The following PACRG variants were observed in gnomAD, a reference collection of about 807,000 sequenced individuals.
The protein encoded by PACRG is parkin coregulated, also known as parkin coregulated gene protein.
A neutral mutation model predicts 29.7 loss-of-function variants in PACRG; 29 were observed. The observed-to-expected ratio is 0.98, with a 90% CI of 0.73 to 1.33. The LOEUF is 1.33. Ranked by LOEUF, PACRG falls within the 40% of genes most tolerant of loss-of-function variation. PACRG has a pLI of 0.00. For synonymous variants in PACRG, 116 were observed against 118.7 expected, an observed-to-expected ratio of 0.98 and a Z score of 0.15; for missense variants, 279 against 316.2, an observed-to-expected ratio of 0.88 and a Z score of 0.89.
At chr6:163,109,428 G>A (rs111857745) in intron 4 of PACRG, among the ~76,000 whole-genome samples, 53 of 152,214 alleles carry the variant, frequency 3.5e-4, no homozygotes, top group African/African-American at 1.2e-3. Flanking sequence ...GTCTCATCTC[G>A]ATTTGAAAAA....
chr6:162,961,041 ATTGCATACTTACC>A (rs1472386214), intron 2 of PACRG, among the ~76,000 whole-genome samples: 17 of 152,196 alleles, frequency 1.1e-4, no homozygotes, highest in Admixed American at 2.0e-4. Context: ...CCAGATGAGG[ATTGCATACTTACC>A]TTGCTGTTTG....
At chr6:163,027,827 G>C (rs547784676) in intron 2 of PACRG, among the ~76,000 whole-genome samples, 1 of 152,336 alleles carries the variant, frequency 6.6e-6, no homozygotes, top group Admixed American at 6.5e-5. Context: ...AGAATAAGCA[G>C]AGCCTATTTC....
rs1250626245 is a variant in PACRG at position 162,958,866 on chromosome 6, TATATATATATATATATATAGAGAGAGAG to T, written c.292-103282_292-103255del. Among the ~76,000 whole-genome samples the T allele has an allele frequency of 6.0e-3, 430 of 71,300 alleles. 1 individual carries two copies. Among genetic ancestry groups the T allele is most frequent in the East Asian group, 1.0e-2 (23 of 2,306 alleles). The allele number at this position is 71,300 out of a possible 152,430, so 46.8% of individuals were successfully genotyped here. On this transcript the variant is annotated intron_variant, in intron 2 of 4. Transcript: ENST00000366888. ...TATATAGAGCATATATATATATATA[TATATATATATATATATATAGAGAGAGAG>T]AGAGAGAGAGAGAGAGAGAGAGAGA...
intron 1 of PACRG, among the ~76,000 whole-genome samples, chr6:162,812,624 A>G (rs1584432207): frequency 6.6e-6 from 1 of 150,838 alleles, no homozygotes. Flanking sequence ...TTTCCAAAAA[A>G]TGTGATTCAA....
Position 163,249,208 on chromosome 6 carries a change from A to G in PACRG, c.614-65619A>G, listed in dbSNP as rs368487112. Among the ~76,000 whole-genome samples the G allele has an allele frequency of 4.0e-4, 61 of 152,270 alleles. 2 individuals are homozygous for G. The South Asian group carries it at 0.012, about 30-fold the overall frequency. ...ATGCACGCAAAGTCTCTGGGTCAAT[A>G]TTATGTTGCCTGTAGAGTGGAGGTT... On this transcript the variant is annotated intron_variant, in intron 4 of 4. Transcript: ENST00000366888.
intron 4 of PACRG, among the ~76,000 whole-genome samples, chr6:163,255,138 C>T (rs1783057664): frequency 6.6e-6 from 1 of 152,216 alleles, no homozygotes; most frequent in Non-Finnish European, 1.5e-5. Flanking sequence ...AGAATAGCAC[C>T]TCTCCCTAAA....
At chr6:163,240,051 C>T (rs1477542379) in intron 4 of PACRG, among the ~76,000 whole-genome samples, 4 of 149,914 alleles carry the variant, frequency 2.7e-5, no homozygotes, top group African/African-American at 9.8e-5. Flanking sequence ...TCTACAGACA[C>T]ATACACACAC....
At chr6:163,203,432 A>AC in intron 4 of PACRG, among the ~76,000 whole-genome samples, 1 of 152,060 alleles carries the variant, frequency 6.6e-6, no homozygotes, top group African/African-American at 2.4e-5. Flanking sequence ...AAACAAACAA[A>AC]AAAACCCACC....
intron 4 of PACRG, among the ~76,000 whole-genome samples, chr6:163,268,119 G>C (rs747349843): frequency 4.6e-5 from 7 of 152,118 alleles, no homozygotes; most frequent in Admixed American, 2.0e-4. Context: ...TGTTGAAATT[G>C]GCCTGGCGCG....
chr6:162,736,281 C>A (rs967815315), intron 1 of PACRG, among the ~76,000 whole-genome samples: 4 of 152,084 alleles, frequency 2.6e-5, no homozygotes, highest in Non-Finnish European at 2.9e-5. Flanking sequence ...TGTATCTTGG[C>A]AAATTGGATT....
At chr6:163,064,085 C>CT (rs34392826) in intron 3 of PACRG, among the ~76,000 whole-genome samples, 2,461 of 144,974 alleles carry the variant, frequency 0.017, 50 homozygotes, top group African/African-American at 0.057. Flanking sequence ...GACATATATC[C>CT]TTTTTTTTTT....
At chr6:163,034,746 C>G (rs921779883) in intron 2 of PACRG, among the ~76,000 whole-genome samples, 3 of 152,124 alleles carry the variant, frequency 2.0e-5, no homozygotes, top group African/African-American at 7.2e-5. Flanking sequence ...CTTTGGGTCC[C>G]TTTATGGTAG....
intron 4 of PACRG, among the ~76,000 whole-genome samples, chr6:163,296,803 G>A (rs9347736): frequency 6.6e-6 from 1 of 151,964 alleles, no homozygotes; most frequent in Non-Finnish European, 1.5e-5. Context: ...GTAGCTTTTC[G>A]ATATGAGAAA....
chr6:163,062,015 G>C (rs756485818), intron 2 of PACRG, 135 bp from the exon 3 acceptor site: 10 of 787,388 alleles, frequency 1.3e-5, no homozygotes, highest in Non-Finnish European at 2.0e-5. Context: ...GGTCATTAGG[G>C]GGATGGGTTA....
intron 4 of PACRG, among the ~76,000 whole-genome samples, chr6:163,253,838 AAGGACGTGCTCCCGGCCCT>A (rs1469820753): frequency 6.6e-6 from 1 of 152,168 alleles, no homozygotes; most frequent in Non-Finnish European, 1.5e-5. Flanking sequence ...TGCTCCTCCA[AAGGACGTGCTCCCGGCCCT>A]GCAGTCACTG....
At chr6:162,875,880 A>G (rs1000603556) in intron 2 of PACRG, among the ~76,000 whole-genome samples, 7 of 152,204 alleles carry the variant, frequency 4.6e-5, no homozygotes, top group African/African-American at 1.7e-4. Flanking sequence ...CAGTCTTGGA[A>G]ATAATTTTTC....
chr6:163,142,117 A>G (rs1207423220), intron 4 of PACRG, among the ~76,000 whole-genome samples: 1 of 152,202 alleles, frequency 6.6e-6, no homozygotes, highest in African/African-American at 2.4e-5. Flanking sequence ...CATAAGCTAA[A>G]GCACTGGATG....
chr6:162,980,063 A>T (rs1490914164), intron 2 of PACRG, among the ~76,000 whole-genome samples: 1 of 152,140 alleles, frequency 6.6e-6, no homozygotes, highest in African/African-American at 2.4e-5. Flanking sequence ...GGTGGAATTT[A>T]ATAAATGGTC....
intron 1 of PACRG, among the ~76,000 whole-genome samples, chr6:162,812,618 CA>C (rs56807129): frequency 0.32 from 48,864 of 151,756 alleles, 8,683 homozygotes; most frequent in African/African-American, 0.45. Context: ...TTATCATTTC[CA>C]AAAAATGTGA....
Sources: gnomAD v4.1 joint callset for allele counts (sites outside exome capture counted in the v4.1 genomes callset) on GRCh38, gnomAD v4.1.1 for gene constraint, MANE v1.5 for transcripts, NCBI Gene and HGNC (gene_info 2026-07-23, HGNC 2026-07-21) for gene names.